The following BTBD8 variants were observed in gnomAD, a reference collection of about 807,000 sequenced individuals.
BTBD8 encodes BTB/POZ domain-containing protein 8.
BTBD8 carries 110 observed loss-of-function variants against 162.9 expected under a neutral mutation model. The observed-to-expected ratio is 0.68, with a 90% confidence interval of 0.58 to 0.79. The LOEUF (loss-of-function observed/expected upper bound fraction) is 0.79. BTBD8 is among the 30% of genes least tolerant of loss of function. BTBD8 has a pLI of 0.00. For synonymous variants in BTBD8, 667 were observed against 716.1 expected, an observed-to-expected ratio of 0.93 and a Z score of 1.10; for missense variants, 1,905 against 2,085.4, an observed-to-expected ratio of 0.91 and a Z score of 1.68.
intron 7 of BTBD8, among the ~76,000 whole-genome samples, chr1:92,146,682 GA>G (rs1480784660): frequency 2.0e-5 from 3 of 151,888 alleles, no homozygotes; most frequent in Non-Finnish European, 4.4e-5. Flanking sequence ...TTTTTTCCGG[GA>G]TGTAATATAG....
chr1:92,087,117 A>G (rs544290441), intron 1 of BTBD8, among the ~76,000 whole-genome samples: 1 of 152,364 alleles, frequency 6.6e-6, no homozygotes, highest in East Asian at 1.9e-4. Context: ...ATAACAAAAT[A>G]TACTTGAAAC....
At chr1:92,089,747 C>T (rs1345859232) in intron 2 of BTBD8, among the ~76,000 whole-genome samples, 1 of 152,130 alleles carries the variant, frequency 6.6e-6, no homozygotes, top group Non-Finnish European at 1.5e-5. Context: ...CTCAAATGTC[C>T]CACCTCTTCA....
chr1:92,142,826 ATCT>A (rs1649809577), intron 7 of BTBD8, among the ~76,000 whole-genome samples: 1 of 152,210 alleles, frequency 6.6e-6, no homozygotes, highest in Non-Finnish European at 1.5e-5. Context: ...GGCCTCCAGT[ATCT>A]GAATTAGAAC....
chr1:92,174,677 G>A (rs772140553), intron 13 of BTBD8, among the ~76,000 whole-genome samples: 1 of 151,916 alleles, frequency 6.6e-6, no homozygotes, highest in South Asian at 2.1e-4. Flanking sequence ...TGAGGACCAA[G>A]CCTATCTGAA....
At chr1:92,146,085 C>T (rs1195244236) in intron 7 of BTBD8, among the ~76,000 whole-genome samples, 3 of 151,812 alleles carry the variant, frequency 2.0e-5, no homozygotes, top group African/African-American at 7.3e-5. Flanking sequence ...TATATTTATA[C>T]GTTAGGAAGC....
At chr1:92,132,027 A>G (rs1203576188) in intron 5 of BTBD8, among the ~76,000 whole-genome samples, 1 of 152,132 alleles carries the variant, frequency 6.6e-6, no homozygotes, top group African/African-American at 2.4e-5. Context: ...CATTTGTCAA[A>G]TCATAATTCA....
At chr1:92,098,377 G>T (rs1014809743) in intron 2 of BTBD8, among the ~76,000 whole-genome samples, 3 of 152,024 alleles carry the variant, frequency 2.0e-5, no homozygotes, top group Non-Finnish European at 4.4e-5. Context: ...GAATAAATCT[G>T]CTATGAACAT....
Position 92,181,416 on chromosome 1 carries a change from C to T in BTBD8, c.3733C>T (p.Arg1245Ter). ...WNLSTGVLHQ[R>*]ESPESDTGSA... Reference sequence around the variant, plus strand: ...TTTGAGTACTGGTGTTCTGCATCAGCGAGAGAGTCCTGAATCTGACACTGG... The same window carrying T: ...TTTGAGTACTGGTGTTCTGCATCAGTGAGAGAGTCCTGAATCTGACACTGG... The change falls in exon 17 of 18, where the codon CGA (arginine) becomes TGA (stop). Residue 1245 changes from arginine to a stop codon, truncating the protein, a stop_gained. Transcript: ENST00000636805. LOFTEE classifies it high-confidence loss of function. 8 of 1,551,568 alleles carry T rather than the reference C, an allele frequency of 5.2e-6. No homozygotes were observed. In the Admixed American group the frequency reaches 7.8e-5, roughly 15 times the overall value.
rs79585632 is a variant in BTBD8, at chr1:92,094,378, A to C, written c.347+5483A>C. On this transcript the variant is annotated intron_variant, in intron 2 of 17. Coordinates refer to ENST00000636805, the MANE Select transcript of BTBD8 (RefSeq NM_001376131.1). ...TTTGTCTGTATGAAAAGAAGGCAAA[A>C]GGAAGGGAGTACAATGGAAAATGTT... Among the ~76,000 whole-genome samples, 1,268 of 152,348 alleles carry C rather than the reference A, an allele frequency of 8.3e-3. 22 individuals are homozygous for C. The highest frequency in any genetic ancestry group is 0.028 in the African/African-American group (1,181 of 41,578).
At chr1:92,109,797 A>G (rs919315047) in intron 4 of BTBD8, among the ~76,000 whole-genome samples, 11 of 152,184 alleles carry the variant, frequency 7.2e-5, no homozygotes, top group South Asian at 2.1e-4. Context: ...AACTTTCTCA[A>G]TTACTTCTTG....
At chr1:92,170,053 G>A (rs549831714) in intron 12 of BTBD8, among the ~76,000 whole-genome samples, 2 of 152,202 alleles carry the variant, frequency 1.3e-5, no homozygotes, top group South Asian at 4.1e-4. Flanking sequence ...CCTTCAGTAG[G>A]TGTCTTCAGC....
intron 4 of BTBD8, among the ~76,000 whole-genome samples, chr1:92,125,148 G>A (rs1253213522): frequency 2.6e-5 from 4 of 152,214 alleles, no homozygotes; most frequent in African/African-American, 9.6e-5. Flanking sequence ...TAATTAAAGA[G>A]CCTTTGAGAG....
intron 2 of BTBD8, among the ~76,000 whole-genome samples, chr1:92,098,442 C>A (rs762998435): frequency 6.6e-6 from 1 of 152,008 alleles, no homozygotes; most frequent in African/African-American, 2.4e-5. Flanking sequence ...GTATTATATA[C>A]CTAGGAGTGG....
At chr1:92,127,718 G>A (rs191677567) in intron 4 of BTBD8, among the ~76,000 whole-genome samples, 1 of 152,088 alleles carries the variant, frequency 6.6e-6, no homozygotes, top group East Asian at 1.9e-4. Flanking sequence ...CAGCCACCAC[G>A]CCCAGCTAAT....
At chr1:92,096,189 G>C (rs1648447141) in intron 2 of BTBD8, among the ~76,000 whole-genome samples, 1 of 152,020 alleles carries the variant, frequency 6.6e-6, no homozygotes, top group South Asian at 2.1e-4. Context: ...GGCTGGTCTC[G>C]AGCTCCTGAC....
intron 16 of BTBD8, among the ~76,000 whole-genome samples, chr1:92,179,284 A>G (rs1650816164): frequency 6.6e-6 from 1 of 152,002 alleles, no homozygotes; most frequent in South Asian, 2.1e-4. Flanking sequence ...ATAATAGTGC[A>G]GTCTAAACAA....
intron 9 of BTBD8, among the ~76,000 whole-genome samples, chr1:92,159,432 C>A (rs571091358): frequency 1.6e-3 from 246 of 152,266 alleles, no homozygotes; most frequent in African/African-American, 5.7e-3. Context: ...CCACCTTAGC[C>A]TCCCAAAGTG....
Position 92,184,554 on chromosome 1 carries a change from T to C in BTBD8, c.*224T>C, listed in dbSNP as rs1192445747. ...TAATTATTAGAGAAATTAGAAGACT[T>C]ATAAGGAAACCCTAGCTTCAGTTTT... On this transcript the variant is annotated 3_prime_UTR_variant, in exon 18 of 18. Coordinates refer to ENST00000636805, the MANE Select transcript of BTBD8 (RefSeq NM_001376131.1). 1 of 366,168 alleles carries C rather than the reference T, an allele frequency of 2.7e-6. No individual in the cohort carries two copies. Among genetic ancestry groups the C allele is most frequent in the African/African-American group, 2.1e-5 (1 of 47,870 alleles). 22.7% of individuals were successfully genotyped at this position (366,168 alleles called of 1,614,324 possible).
At chr1:92,154,779 T>C (rs1650121677) in intron 9 of BTBD8, among the ~76,000 whole-genome samples, 1 of 152,212 alleles carries the variant, frequency 6.6e-6, no homozygotes, top group South Asian at 2.1e-4. Context: ...TTTAATTTGA[T>C]GTAGTTTCAC....
Sources: gnomAD v4.1 joint callset for allele counts (sites outside exome capture counted in the v4.1 genomes callset) on GRCh38, gnomAD v4.1.1 for gene constraint, MANE v1.5 for transcripts, NCBI Gene and HGNC (gene_info 2026-07-23, HGNC 2026-07-21) for gene names.